CTNNA3: variants seen among roughly 807,000 people sequenced by gnomAD.
CTNNA3 encodes catenin alpha-3.
In CTNNA3, 76 loss-of-function variants were observed where a neutral mutation model predicts 95.7. That is an observed-to-expected ratio of 0.79 (90% CI 0.66 to 0.96). CTNNA3 has a LOEUF of 0.96. Ranked by LOEUF, CTNNA3 falls within the 40% of genes least tolerant of loss-of-function variation. The pLI is 0.00. For missense variants in CTNNA3, 1,191 were observed against 1,089.8 expected, an observed-to-expected ratio of 1.09 and a Z score of -1.31; for synonymous variants, 431 against 374.4, an observed-to-expected ratio of 1.15 and a Z score of -1.74.
Position 67,672,232 on chromosome 10 carries a change from T to G in CTNNA3, c.-6+23768A>C, listed in dbSNP as rs188633693. Among the ~76,000 whole-genome samples, 597 of 152,312 alleles carry G rather than the reference T, an allele frequency of 3.9e-3. 2 individuals are homozygous for G. Among genetic ancestry groups the G allele is most frequent in the Middle Eastern group, 0.031 (9 of 294 alleles). On this transcript the variant is annotated intron_variant, in intron 1 of 17. Transcript: ENST00000433211. ...TTTGTTTTTTTCTTGTAAATTTGTTTGAGTTCATTGTAGATTCTGGGTATT... is the reference window on the plus strand; with the variant it reads ...TTTGTTTTTTTCTTGTAAATTTGTTGGAGTTCATTGTAGATTCTGGGTATT...
At chr10:67,598,265 G>C (rs919476431) in intron 3 of CTNNA3, among the ~76,000 whole-genome samples, 3 of 152,088 alleles carry the variant, frequency 2.0e-5, no homozygotes, top group African/African-American at 7.2e-5. Flanking sequence ...AGCTCTCCTT[G>C]TCAGTTCAAA....
intron 12 of CTNNA3, among the ~76,000 whole-genome samples, chr10:66,288,594 T>C (rs955391994): frequency 1.3e-5 from 2 of 152,118 alleles, no homozygotes; most frequent in African/African-American, 4.8e-5. Flanking sequence ...CAATTAAACA[T>C]TTATTTCCTT....
chr10:66,142,816 T>C (rs1203297934), intron 13 of CTNNA3, among the ~76,000 whole-genome samples: 2 of 151,976 alleles, frequency 1.3e-5, no homozygotes, highest in Non-Finnish European at 2.9e-5. Context: ...CTGGCAGAAA[T>C]TTTCTAGGAA....
At chr10:65,941,689 T>C (rs572530994) in intron 17 of CTNNA3, among the ~76,000 whole-genome samples, 29 of 152,256 alleles carry the variant, frequency 1.9e-4, no homozygotes, top group African/African-American at 6.7e-4. Flanking sequence ...GACTGCTCCC[T>C]CCCCCATTTC....
intron 6 of CTNNA3, among the ~76,000 whole-genome samples, chr10:67,195,660 C>T (rs760363913): frequency 4.6e-5 from 7 of 152,040 alleles, no homozygotes; most frequent in Admixed American, 6.6e-5. Flanking sequence ...ATATACCATA[C>T]AGATGTGTAT....
chr10:66,922,235 C>T (rs775401046), intron 7 of CTNNA3, among the ~76,000 whole-genome samples: 4 of 152,000 alleles, frequency 2.6e-5, no homozygotes, highest in Admixed American at 6.6e-5. Flanking sequence ...GTTCTGTATG[C>T]GATATTAAGT....
intron 7 of CTNNA3, among the ~76,000 whole-genome samples, chr10:67,090,979 A>G (rs925802002): frequency 6.6e-6 from 1 of 152,052 alleles, no homozygotes; most frequent in African/African-American, 2.4e-5. Flanking sequence ...TTAGTGACAA[A>G]ATTTTCAAGC....
At chr10:66,275,317 C>T (rs1435951288) in intron 13 of CTNNA3, among the ~76,000 whole-genome samples, 3 of 152,194 alleles carry the variant, frequency 2.0e-5, no homozygotes, top group African/African-American at 4.8e-5. Context: ...GAGGCTTCAT[C>T]ATGTTGGCCA....
intron 9 of CTNNA3, among the ~76,000 whole-genome samples, chr10:66,699,367 G>A (rs929218772): frequency 2.0e-5 from 3 of 151,470 alleles, no homozygotes; most frequent in Admixed American, 6.6e-5. Flanking sequence ...TCACACTCTC[G>A]CCAACACTTG....
intron 7 of CTNNA3, among the ~76,000 whole-genome samples, chr10:66,867,047 T>A (rs1404619483): frequency 6.6e-6 from 1 of 152,152 alleles, no homozygotes; most frequent in Non-Finnish European, 1.5e-5. Context: ...TGCTGCCATG[T>A]AAGATGTGCC....
chr10:67,262,599 A>G (rs1467632304), intron 5 of CTNNA3, among the ~76,000 whole-genome samples: 1 of 152,228 alleles, frequency 6.6e-6, no homozygotes, highest in Non-Finnish European at 1.5e-5. Flanking sequence ...TTCACAAATC[A>G]TAAAAACCGA....
intron 11 of CTNNA3, among the ~76,000 whole-genome samples, chr10:66,463,128 A>G (rs1312767659): frequency 1.3e-5 from 2 of 152,122 alleles, no homozygotes. Context: ...GAGTTTAGCT[A>G]TTTATCCACT....
intron 9 of CTNNA3, among the ~76,000 whole-genome samples, chr10:66,730,723 C>T (rs1317281267): frequency 6.6e-6 from 1 of 152,200 alleles, no homozygotes; most frequent in African/African-American, 2.4e-5. Context: ...GGCAGAGGCA[C>T]TACCAGAATA....
rs887171768 is a variant in CTNNA3 at position 66,761,053 on chromosome 10, A to G, written c.1281+5211T>C. Among the ~76,000 whole-genome samples, 18 of 152,176 alleles carry G rather than the reference A, an allele frequency of 1.2e-4. 1 individual carries two copies. The highest frequency in any genetic ancestry group is 1.2e-3 in the Admixed American group (18 of 15,258). ...AAGCTGTATTTATTTATAATCAAACATATCCTTATTTGATAACAGATGACC... is the reference window on the plus strand; with the variant it reads ...AAGCTGTATTTATTTATAATCAAACGTATCCTTATTTGATAACAGATGACC... On this transcript the variant is annotated intron_variant, in intron 9 of 17. Coordinates refer to ENST00000433211, the MANE Select transcript of CTNNA3 (RefSeq NM_013266.4).
intron 7 of CTNNA3, among the ~76,000 whole-genome samples, chr10:67,059,463 G>T (rs563250991): frequency 1.3e-5 from 2 of 152,122 alleles, no homozygotes; most frequent in African/African-American, 4.8e-5. Context: ...AGAGACACTC[G>T]ATGGCAAGAA....
intron 5 of CTNNA3, among the ~76,000 whole-genome samples, chr10:67,246,576 T>A (rs894214525): frequency 6.6e-6 from 1 of 152,118 alleles, no homozygotes; most frequent in Non-Finnish European, 1.5e-5. Flanking sequence ...GCGACCCCCA[T>A]AGTACAAATG....
At chr10:66,161,594 T>C (rs2084849234) in intron 13 of CTNNA3, among the ~76,000 whole-genome samples, 1 of 152,194 alleles carries the variant, frequency 6.6e-6, no homozygotes, top group Non-Finnish European at 1.5e-5. Flanking sequence ...TTTTCCTTTA[T>C]AGGTTATCTG....
chr10:67,488,729 G>C (rs1030859557), intron 5 of CTNNA3, among the ~76,000 whole-genome samples: 2 of 148,908 alleles, frequency 1.3e-5, no homozygotes, highest in African/African-American at 5.1e-5. Context: ...GAGTGCAATG[G>C]CACGATCTCA....
intron 9 of CTNNA3, among the ~76,000 whole-genome samples, chr10:66,665,125 C>A (rs1846403946): frequency 6.6e-6 from 1 of 152,170 alleles, no homozygotes; most frequent in African/African-American, 2.4e-5. Flanking sequence ...ACAAGGTCTT[C>A]TCTTGCCATC....
Sources: allele counts gnomAD v4.1 joint callset (sites outside exome capture counted in the v4.1 genomes callset), GRCh38; gene constraint gnomAD v4.1.1; transcripts MANE v1.5; gene names NCBI Gene and HGNC (gene_info 2026-07-23, HGNC 2026-07-21).